The following ROCK2 variants were observed in gnomAD, a reference collection of about 807,000 sequenced individuals.
ROCK2 encodes the protein rho-associated protein kinase 2.
A neutral mutation model predicts 195.1 loss-of-function variants in ROCK2; 61 were observed. That is an observed-to-expected ratio of 0.31 (90% CI 0.25 to 0.39). The LOEUF is 0.39. Among genes scored for constraint, ROCK2 ranks in the 10% least tolerant of loss-of-function variants. The pLI is 1.00. For missense variants in ROCK2, 1,109 were observed against 1,637.4 expected (o/e 0.68, Z 5.57); for synonymous variants, 504 against 545.5 (o/e 0.92, Z 1.06).
chr2:11,250,465 G>A (rs978774356), intron 3 of ROCK2, among the ~76,000 whole-genome samples: 1 of 152,104 alleles, frequency 6.6e-6, no homozygotes, highest in Admixed American at 6.5e-5. Flanking sequence ...GTTCACCAGA[G>A]AGCCAATAAA....
chr2:11,315,548 A>G (rs1668165888), intron 1 of ROCK2, among the ~76,000 whole-genome samples: 1 of 152,110 alleles, frequency 6.6e-6, no homozygotes, highest in African/African-American at 2.4e-5. Context: ...AGTTTTCTGT[A>G]ATACATCTGT....
rs10714343 is a variant in ROCK2 at position 11,341,081 on chromosome 2, CAAA to C, written c.141+2912_141+2914del. Among the ~76,000 whole-genome samples the C allele has an allele frequency of 4.7e-5, 7 of 149,124 alleles. No individual in the cohort carries two copies. The South Asian group carries it at 1.5e-3, about 32-fold the overall frequency. On this transcript the variant is annotated intron_variant, in intron 1 of 32. Coordinates refer to ENST00000315872, the MANE Select transcript of ROCK2 (RefSeq NM_004850.5). ...AAGCATATTACTGAAGACTCGCCTC[CAAA>C]AAAAAAAAGAGGCAGTAGAGAAGCA...
At chr2:11,343,602 T>G (rs1669178544) in intron 1 of ROCK2, among the ~76,000 whole-genome samples, 1 of 152,104 alleles carries the variant, frequency 6.6e-6, no homozygotes, top group Non-Finnish European at 1.5e-5. Context: ...CAGCATCAGG[T>G]TTCTTTCTCC....
At position 11,197,226 on chromosome 2, in the gene ROCK2, A is replaced by G. The variant is rs748503965; in HGVS notation, c.3402T>C (p.Ser1134=). ...CAGCATCCCCTGGTCCACTGCCTAT[A>G]CTGGAACTATCCAGACCAATATGCA... The part of the protein sequence containing the change: ...QALHIGLDSS[S]IGSGPGDAEA... Residue 1134 remains serine, a synonymous_variant, in exon 27 of 33, where the codon AGT becomes AGC. Coordinates refer to ENST00000315872, the MANE Select transcript of ROCK2 (RefSeq NM_004850.5). This position sits in a 1 kb window ranked among gnomAD's most constrained non-coding sequence, Gnocchi z 4.9. 52 of 1,613,694 alleles carry G rather than the reference A, an allele frequency of 3.2e-5. No individual in the cohort carries two copies. Among genetic ancestry groups the G allele is most frequent in the Non-Finnish European group, 4.1e-5 (48 of 1,179,852 alleles).
chr2:11,190,103 T>C (rs1485734131), intron 32 of ROCK2, among the ~76,000 whole-genome samples: 2 of 152,022 alleles, frequency 1.3e-5, no homozygotes, highest in African/African-American at 4.8e-5. Context: ...CCAAAAACAA[T>C]GGAAATAATG....
At chr2:11,290,336 C>CCCTGTGT (rs1053784435) in intron 1 of ROCK2, among the ~76,000 whole-genome samples, 2 of 152,090 alleles carry the variant, frequency 1.3e-5, no homozygotes, top group African/African-American at 4.8e-5. Flanking sequence ...CAGTGGCACA[C>CCCTGTGT]CCCTGTAATC....
intron 18 of ROCK2, among the ~76,000 whole-genome samples, chr2:11,210,412 T>G (rs74672678): frequency 6.6e-6 from 1 of 151,994 alleles, no homozygotes; most frequent in Non-Finnish European, 1.5e-5. Context: ...CTTGAACTCC[T>G]GGGCTCAAGC....
chr2:11,308,722 C>T, intron 1 of ROCK2: 1 of 1,611,092 alleles, frequency 6.2e-7, no homozygotes, highest in Non-Finnish European at 8.5e-7. Flanking sequence ...AAAAATTAAC[C>T]AAAGGTGCAG....
intron 4 of ROCK2, among the ~76,000 whole-genome samples, chr2:11,239,741 G>A (rs1665357407): frequency 6.6e-6 from 1 of 152,166 alleles, no homozygotes; most frequent in African/African-American, 2.4e-5. Context: ...GGCTTGGTAT[G>A]AGATCCCACA....
intron 1 of ROCK2, among the ~76,000 whole-genome samples, chr2:11,343,540 AGAGT>A (rs887583693): frequency 6.6e-6 from 1 of 152,190 alleles, no homozygotes; most frequent in Non-Finnish European, 1.5e-5. Flanking sequence ...CTAAAAGGAG[AGAGT>A]GAGGGCGGCT....
At chr2:11,345,324 C>T (rs1422485164), upstream of ROCK2, among the ~76,000 whole-genome samples, 2 of 152,196 alleles carry the variant, frequency 1.3e-5, no homozygotes, top group African/African-American at 4.8e-5. Flanking sequence ...AGCCGCAGGC[C>T]TTCGCGGGGT....
chr2:11,267,690 T>A (rs2148158411), intron 3 of ROCK2, among the ~76,000 whole-genome samples: 1 of 146,220 alleles, frequency 6.8e-6, no homozygotes, highest in South Asian at 2.2e-4. Flanking sequence ...GAGTATATCC[T>A]ATCAATACGC....
chr2:11,207,659 G>T, intron 20 of ROCK2, 67 bp downstream of exon 20: 3 of 1,258,220 alleles, frequency 2.4e-6, no homozygotes, highest in Non-Finnish European at 3.2e-6. Context: ...AAAATCCACA[G>T]ATACACCAAA....
At chr2:11,202,789 C>A (rs954764140) in intron 20 of ROCK2, among the ~76,000 whole-genome samples, 3 of 152,178 alleles carry the variant, frequency 2.0e-5, no homozygotes, top group Non-Finnish European at 2.9e-5. Context: ...AGCCACTGCA[C>A]CCGGCAGAAC....
chr2:11,291,315 C>T (rs1411411818), intron 1 of ROCK2, among the ~76,000 whole-genome samples: 4 of 152,128 alleles, frequency 2.6e-5, no homozygotes, highest in African/African-American at 7.2e-5. Context: ...TTTGGGAGGC[C>T]GAGGCGGGCG....
chr2:11,207,175 T>C (rs1341871767), intron 20 of ROCK2, among the ~76,000 whole-genome samples: 1 of 152,180 alleles, frequency 6.6e-6, no homozygotes, highest in Non-Finnish European at 1.5e-5. Context: ...TGCAAAGCAA[T>C]CTCACTTCAC....
chr2:11,216,571 C>T (rs532140550), intron 12 of ROCK2, among the ~76,000 whole-genome samples: 10 of 150,540 alleles, frequency 6.6e-5, no homozygotes, highest in African/African-American at 2.2e-4. Context: ...AGTGCAGTGG[C>T]GCAATCTCAG....
At chr2:11,202,241 G>C (rs969418708) in intron 20 of ROCK2, 120 bp from the exon 21 acceptor site, 7 of 790,316 alleles carry the variant, frequency 8.9e-6, no homozygotes, top group Non-Finnish European at 8.9e-6. Flanking sequence ...GAACCCATAA[G>C]GTCAAATCAT....
At chr2:11,217,210 T>C in intron 11 of ROCK2, 41 bp from the exon 12 acceptor site, 6 of 977,304 alleles carry the variant, frequency 6.1e-6, no homozygotes, top group Non-Finnish European at 9.9e-6. Context: ...ATTTTGGTCA[T>C]ATTTAAAGAT....
Sources: allele counts gnomAD v4.1 joint callset (sites outside exome capture counted in the v4.1 genomes callset), GRCh38; gene constraint gnomAD v4.1.1; non-coding constraint Gnocchi (gnomAD v3.1); transcripts MANE v1.5; gene names NCBI Gene and HGNC (gene_info 2026-07-23, HGNC 2026-07-21).